The following ATXN3 variants were observed in gnomAD, a reference collection of about 807,000 sequenced individuals.
The protein encoded by ATXN3 is ataxin-3.
ATXN3 carries 28 observed loss-of-function variants against 58.2 expected under a neutral mutation model. The ratio of observed to expected loss-of-function variants is 0.48; its 90% CI spans 0.36 to 0.66. The LOEUF (loss-of-function observed/expected upper bound fraction) is 0.66, where lower values mean the gene tolerates loss of function less well. Among genes scored for constraint, ATXN3 ranks in the 30% least tolerant of loss-of-function variants. The pLI is 0.00. For synonymous variants in ATXN3, 113 were observed against 138.5 expected, an observed-to-expected ratio of 0.82 and a Z score of 1.29; for missense variants, 321 against 422.1, an observed-to-expected ratio of 0.76 and a Z score of 2.10.
intron 9 of ATXN3, among the ~76,000 whole-genome samples, chr14:92,076,098 C>G (rs938988542): frequency 6.6e-6 from 1 of 152,152 alleles, no homozygotes; most frequent in African/African-American, 2.4e-5. Context: ...TGACATTGTA[C>G]TTGTTATAAC....
intron 1 of ATXN3, among the ~76,000 whole-genome samples, chr14:92,106,038 G>T (rs1395926682): frequency 2.0e-5 from 3 of 152,168 alleles, no homozygotes; most frequent in Non-Finnish European, 4.4e-5. Context: ...ACACGAACAA[G>T]ACCCCAAAGA....
chr14:92,047,285 A>G (rs956267445), intron 2 of ATXN3, among the ~76,000 whole-genome samples: 9 of 152,250 alleles, frequency 5.9e-5, no homozygotes, highest in African/African-American at 1.9e-4. Context: ...TAGGCAAAAC[A>G]ATTTGGTTGA....
chr14:92,101,686 C>T (rs2066832182), intron 1 of ATXN3, among the ~76,000 whole-genome samples: 1 of 151,908 alleles, frequency 6.6e-6, no homozygotes, highest in African/African-American at 2.4e-5. Flanking sequence ...GGTGAAACCC[C>T]GCCTCTACTA....
intron 1 of ATXN3, among the ~76,000 whole-genome samples, chr14:92,101,094 T>C (rs2145128): frequency 0.041 from 6,308 of 152,248 alleles, 395 homozygotes; most frequent in East Asian, 0.32. Context: ...AAAAACTGTA[T>C]TGCTACAGGA....
At chr14:92,099,601 G>A (rs1185140427) in intron 1 of ATXN3, among the ~76,000 whole-genome samples, 1 of 152,202 alleles carries the variant, frequency 6.6e-6, no homozygotes, top group Non-Finnish European at 1.5e-5. Context: ...GGCTGCGGTG[G>A]CTCATGCCTG....
rs779838280 is a variant in ATXN3 at position 92,071,020 on chromosome 14, C to CTGCTGCTGCTGCTGCTGCTGT, written c.905_906insACAGCAGCAGCAGCAGCAGCA (p.Gln299_Gln305dup). 1.1e-3 allele frequency: 1,798 copies of CTGCTGCTGCTGCTGCTGCTGT among 1,607,446 alleles called. 30 individuals carry two copies. In the African/African-American group the frequency reaches 0.021, roughly 19 times the overall value. On this transcript the variant is annotated inframe_insertion, in exon 10 of 11. Transcript: ENST00000644486. ...GTCCTGATAGGTCCCCCTGCTGCTG[C>CTGCTGCTGCTGCTGCTGCTGT]TGCTGCTGCTGCTGTTGCTGCTTTT...
At chr14:92,050,143 CGTGT>C (rs35730721), upstream of ATXN3, among the ~76,000 whole-genome samples, 167 of 147,670 alleles carry the variant, frequency 1.1e-3, no homozygotes, top group Middle Eastern at 3.4e-3. Context: ...ACTTTGCTCT[CGTGT>C]GTGTGTGTGT....
rs992484375 is a variant in ATXN3 at position 92,063,081 on chromosome 14, A to C, written c.*1239T>G. 1 of 152,690 alleles carries C rather than the reference A, an allele frequency of 6.5e-6. No individual in the cohort carries two copies. Among genetic ancestry groups the C allele is most frequent in the Admixed American group, 6.5e-5 (1 of 15,280 alleles). 9.5% of individuals were successfully genotyped at this position (152,690 alleles called of 1,614,324 possible). A position where few individuals can be genotyped will look rare whatever the true frequency, so the allele number is the denominator to read the frequency against. ...TCTCTGTACATCTCAATTAAAGAGA[A>C]TATTTATCAAAACTATGGACTTTCT... is the stretch of plus-strand genomic sequence containing the variant. On this transcript the variant is annotated 3_prime_UTR_variant, in exon 11 of 11. Transcript: ENST00000644486.
intron 5 of ATXN3, among the ~76,000 whole-genome samples, chr14:92,089,265 C>G (rs549433428): frequency 6.6e-6 from 1 of 151,580 alleles, no homozygotes; most frequent in South Asian, 2.1e-4. Context: ...ATGATCCGCC[C>G]GCCTCAGCCT....
In ATXN3 at chr14:92,081,074, C is replaced by T. The variant is rs749904761; in HGVS notation, c.776-13G>A. The T allele has an allele frequency of 1.3e-6, 2 of 1,525,792 alleles. No homozygotes were observed. Among genetic ancestry groups the T allele is most frequent in the Non-Finnish European group, 9.1e-7 (1 of 1,101,360 alleles). 94.5% of individuals were successfully genotyped at this position (1,525,792 alleles called of 1,614,324 possible). A position where few individuals can be genotyped will look rare whatever the true frequency, so the allele number is the denominator to read the frequency against. On this transcript the variant is annotated splice_polypyrimidine_tract_variant and intron_variant, in intron 8 of 10. Transcript: ENST00000644486. ...TTTCTGGAACTACCTGAAAACAAAA[C>T]ACAACACAACAAAAACCAATCACTG...
In ATXN3 at chr14:92,088,474, T is replaced by C. The variant is rs556904146; in HGVS notation, c.475+256A>G. Among the ~76,000 whole-genome samples, 42 of 152,242 alleles carry C rather than the reference T, an allele frequency of 2.8e-4. No homozygotes were observed. In the South Asian group the frequency reaches 8.7e-3, roughly 32 times the overall value. On this transcript the variant is annotated intron_variant, in intron 6 of 10. Coordinates refer to ENST00000644486, the MANE Select transcript of ATXN3 (RefSeq NM_004993.6). ...TATCCCTCCTCTCAGCCGTGTGATA[T>C]GTGATGTATAAAAGAAAAAGCCATT...
At chr14:92,083,438 GTTAC>G (rs1218223005) in intron 6 of ATXN3, 180 bp from the exon 7 acceptor site, 3 of 707,556 alleles carry the variant, frequency 4.2e-6, no homozygotes, top group Admixed American at 2.4e-5. Context: ...TCTAAGGTAA[GTTAC>G]TTAAAGTCTC....
downstream of ATXN3, among the ~76,000 whole-genome samples, chr14:92,054,047 G>A (rs1178441906): frequency 6.6e-6 from 1 of 151,918 alleles, no homozygotes; most frequent in Non-Finnish European, 1.5e-5. Context: ...TGATTCTCCT[G>A]CATCAGCCTC....
At chr14:92,087,803 T>C (rs546604466) in intron 6 of ATXN3, among the ~76,000 whole-genome samples, 1 of 152,272 alleles carries the variant, frequency 6.6e-6, no homozygotes, top group East Asian at 1.9e-4. Flanking sequence ...TAGGAGGTGG[T>C]AGTTAAAGAG....
intron 9 of ATXN3, among the ~76,000 whole-genome samples, chr14:92,079,870 T>G (rs1265634625): frequency 6.6e-6 from 1 of 152,166 alleles, no homozygotes; most frequent in Non-Finnish European, 1.5e-5. Context: ...CCCAAGTAGC[T>G]GGGATTACAG....
Position 92,060,243 on chromosome 14 carries a change from T to TACAC in ATXN3, c.*4073_*4076dup, listed in dbSNP as rs200238931. On this transcript the variant is annotated 3_prime_UTR_variant, in exon 11 of 11. Transcript: ENST00000644486. ...AGTCATATATATATACATATATATA[T>TACAC]ACACACATATATATATATATATATA... The TACAC allele has an allele frequency of 9.7e-4, 126 of 129,614 alleles. 1 individual carries two copies. Among genetic ancestry groups the TACAC allele is most frequent in the African/African-American group, 3.6e-3 (116 of 32,076 alleles). 8.0% of individuals were successfully genotyped at this position (129,614 alleles called of 1,614,324 possible).
At chr14:92,081,093 A>G (rs1448957121) in intron 8 of ATXN3, 32 bp from the exon 9 acceptor site, 2 of 1,401,028 alleles carry the variant, frequency 1.4e-6, no homozygotes, top group South Asian at 2.3e-5. Context: ...ACAAAAACCA[A>G]TCACTGTATT....
At chr14:92,083,369 C>T in intron 6 of ATXN3, 111 bp from the exon 7 acceptor site, 15 of 1,070,530 alleles carry the variant, frequency 1.4e-5, no homozygotes, top group Non-Finnish European at 1.9e-5. Flanking sequence ...AAAATACAAG[C>T]TGAGGATTCA....
intron 1 of ATXN3, among the ~76,000 whole-genome samples, chr14:92,104,154 T>G (rs1171309593): frequency 6.6e-6 from 1 of 152,234 alleles, no homozygotes; most frequent in Non-Finnish European, 1.5e-5. Context: ...CCTTTTCTTT[T>G]TTTTGAGACG....
Sources: allele counts gnomAD v4.1 joint callset (sites outside exome capture counted in the v4.1 genomes callset), GRCh38; gene constraint gnomAD v4.1.1; transcripts MANE v1.5; gene names NCBI Gene and HGNC (gene_info 2026-07-23, HGNC 2026-07-21).